Variants in SLC5A3 observed in about 807,000 individuals in gnomAD.
SLC5A3 encodes the protein solute carrier family 5 member 3.
A neutral mutation model predicts 43.2 loss-of-function variants in SLC5A3; 10 were observed. The observed-to-expected ratio is 0.23, with a 90% CI of 0.14 to 0.39. The LOEUF (loss-of-function observed/expected upper bound fraction) is 0.39. SLC5A3 is among the 10% of genes least tolerant of loss of function. The pLI is 1.00. For synonymous variants in SLC5A3, 349 were observed against 322.0 expected, an observed-to-expected ratio of 1.08 and a Z score of -0.90; for missense variants, 608 against 893.4, an observed-to-expected ratio of 0.68 and a Z score of 4.07.
At position 34,104,561 on chromosome 21, in the gene SLC5A3, T is replaced by C. The variant is rs1284125154; in HGVS notation, c.*7206T>C. On this transcript the variant is annotated 3_prime_UTR_variant, in exon 2 of 2. Coordinates refer to ENST00000381151, the MANE Select transcript of SLC5A3 (RefSeq NM_006933.7). Reference sequence around the variant, plus strand: ...TAATATATCTAGAAGGAAGACTATATCTGGTGTAGACTAATATGAGATGTT... The same window carrying C: ...TAATATATCTAGAAGGAAGACTATACCTGGTGTAGACTAATATGAGATGTT... The C allele has an allele frequency of 1.0e-6, 1 of 998,942 alleles. No homozygotes were observed. Among genetic ancestry groups the C allele is most frequent in the Non-Finnish European group, 1.2e-6 (1 of 828,902 alleles). The allele number at this position is 998,942 out of a possible 1,614,324, so 61.9% of individuals were successfully genotyped here. A position where few individuals can be genotyped will look rare whatever the true frequency, so the allele number is the denominator to read the frequency against.
At chr21:34,078,530 A>T (rs1478017487) in intron 1 of SLC5A3, among the ~76,000 whole-genome samples, 2 of 152,086 alleles carry the variant, frequency 1.3e-5, no homozygotes, top group Non-Finnish European at 2.9e-5. Context: ...ATGTTTCTAG[A>T]TTTTAAAAAT....
intron 1 of SLC5A3, among the ~76,000 whole-genome samples, chr21:34,094,562 CAGTA>C (rs1201106380): frequency 3.3e-5 from 5 of 152,124 alleles, no homozygotes; most frequent in Admixed American, 6.5e-5. Context: ...GAGCATACCA[CAGTA>C]AGACAAGAAA....
In SLC5A3 at chr21:34,098,464, T is replaced by C; in HGVS notation, c.*1109T>C. 4.2e-6 allele frequency: 4 copies of C among 958,350 alleles called. No homozygotes were observed. The highest frequency in any genetic ancestry group is 5.0e-6 in the Non-Finnish European group (4 of 797,886). 59.4% of individuals were successfully genotyped at this position (958,350 alleles called of 1,614,324 possible). On this transcript the variant is annotated 3_prime_UTR_variant, in exon 2 of 2. Coordinates refer to ENST00000381151, the MANE Select transcript of SLC5A3 (RefSeq NM_006933.7). ...GCATCCTTGATAAGTTTTTCCCTGA[T>C]TTTTTTTTTCCTCAAAAGACTTTCC...
Position 34,096,852 on chromosome 21 carries a change from C to T in SLC5A3, c.1654C>T (p.Leu552=), listed in dbSNP as rs1160216968. The change falls in exon 2 of 2, where the codon CTG becomes TTG. Residue 552 remains leucine, a synonymous_variant. Transcript: ENST00000381151. This position sits in a 1 kb window ranked among gnomAD's most constrained non-coding sequence, Gnocchi z 5.9. ...CACCACCTTTTGGTCTAAGAAGAACCTGGTGGTGAAGGAGAACTGCTCCCC... is the reference window on the plus strand; with the variant it reads ...CACCACCTTTTGGTCTAAGAAGAACTTGGTGGTGAAGGAGAACTGCTCCCC... ...RTTTFWSKKN[L]VVKENCSPKE... is the part of the protein sequence containing the mutation. The T allele has an allele frequency of 2.5e-6, 4 of 1,613,922 alleles. No homozygotes were observed. The highest frequency in any genetic ancestry group is 4.5e-5 in the East Asian group (2 of 44,896).
In SLC5A3 at chr21:34,101,071, C is replaced by T; in HGVS notation, c.*3716C>T. 1.0e-6 allele frequency: 1 copy of T among 1,000,046 alleles called. No individual in the cohort carries two copies. The allele number at this position is 1,000,046 out of a possible 1,614,324, so 61.9% of individuals were successfully genotyped here. Reference sequence around the variant, plus strand: ...TTGGATAGAGAGATGTATACAAGACCTTTCCTGTTAAATTACGTGACTACA... The same window carrying T: ...TTGGATAGAGAGATGTATACAAGACTTTTCCTGTTAAATTACGTGACTACA... On this transcript the variant is annotated 3_prime_UTR_variant, in exon 2 of 2. Transcript: ENST00000381151.
Position 34,095,599 on chromosome 21 carries a change from A to C in SLC5A3, c.401A>C (p.Tyr134Ser). Residue 134 changes from tyrosine (Y) to serine (S), a missense_variant, in exon 2 of 2, where the codon TAT (tyrosine) becomes TCT (serine). By Grantham distance (144) the Tyr-to-Ser change is moderately radical (BLOSUM62 -2). Transcript: ENST00000381151. ...VYFAALSLIL[Y>S]IFTKLSVDLY... ...TTTGCAGCCTTGTCTCTGATTCTCT[A>C]TATTTTCACCAAGCTCTCGGTGGAT... 1 of 1,611,630 alleles carries C rather than the reference A, an allele frequency of 6.2e-7. No individual in the cohort carries two copies. The highest frequency in any genetic ancestry group is 8.5e-7 in the Non-Finnish European group (1 of 1,179,508).
intron 1 of SLC5A3, among the ~76,000 whole-genome samples, chr21:34,078,072 A>G (rs780674577): frequency 2.6e-5 from 4 of 152,166 alleles, no homozygotes; most frequent in African/African-American, 4.8e-5. Context: ...ATAACTAGGA[A>G]ATAGTGAAGT....
chr21:34,102,155 G>A lies in SLC5A3; in HGVS notation c.*4800G>A, dbSNP rs530488355. ...GAATGTTTTTGTCAGACTGTCCTTT[G>A]TTGGAATACTTTAGCTGTTCAGCTA... On this transcript the variant is annotated 3_prime_UTR_variant, in exon 2 of 2. Transcript: ENST00000381151. 26 of 1,000,090 alleles carry A rather than the reference G, an allele frequency of 2.6e-5. No homozygotes were observed. The South Asian group carries it at 1.2e-3, about 45-fold the overall frequency. 62.0% of individuals were successfully genotyped at this position (1,000,090 alleles called of 1,614,324 possible).
At position 34,100,036 on chromosome 21, in the gene SLC5A3, G is replaced by A; in HGVS notation, c.*2681G>A. On this transcript the variant is annotated 3_prime_UTR_variant, in exon 2 of 2. Transcript: ENST00000381151. ...TGTTCATACTTTACACTGACTAAAT[G>A]GGTCCTAAATGATGACATTGGTCTT... 6 of 952,222 alleles carry A rather than the reference G, an allele frequency of 6.3e-6. No individual in the cohort carries two copies. The highest frequency in any genetic ancestry group is 7.6e-6 in the Non-Finnish European group (6 of 786,184). The allele number at this position is 952,222 out of a possible 1,614,324, so 59.0% of individuals were successfully genotyped here.
At position 34,095,690 on chromosome 21, in the gene SLC5A3, G is replaced by C; in HGVS notation, c.492G>C (p.Leu164=). The C allele has an allele frequency of 6.2e-7, 1 of 1,613,648 alleles. No homozygotes were observed. The highest frequency in any genetic ancestry group is 1.3e-5 in the African/African-American group (1 of 74,856). Residue 164 remains leucine (L), a synonymous_variant, in exon 2 of 2, where the codon CTG becomes CTC. Transcript: ENST00000381151. The stretch of plus-strand genomic sequence containing the variant: ...GGAATCTTTATGTGTCTGTCATCCT[G>C]CTCATTGGCATGACTGCTTTGCTGA... The part of the protein sequence containing the change: ...LGWNLYVSVI[L]LIGMTALLTV...
At position 34,079,712 on chromosome 21, in the gene SLC5A3, G is replaced by A. The variant is rs550007395; in HGVS notation, c.-337+5967G>A. Among the ~76,000 whole-genome samples the A allele has an allele frequency of 1.4e-4, 20 of 147,922 alleles. No individual in the cohort carries two copies. In the South Asian group the frequency reaches 4.3e-3, roughly 32 times the overall value. On this transcript the variant is annotated intron_variant, in intron 1 of 1. Coordinates refer to ENST00000381151, the MANE Select transcript of SLC5A3 (RefSeq NM_006933.7). ...GATCTGCCCGCTTTGGTCTCCCAAA[G>A]TGCTGGGATTACAGGCCCTCTTCTC... is the stretch of plus-strand genomic sequence containing the variant.
chr21:34,098,536 A>G lies in SLC5A3; in HGVS notation c.*1181A>G. 1.0e-6 allele frequency: 1 copy of G among 1,000,260 alleles called. No individual in the cohort carries two copies. Among genetic ancestry groups the G allele is most frequent in the Non-Finnish European group, 1.2e-6 (1 of 830,008 alleles). The allele number at this position is 1,000,260 out of a possible 1,614,324, so 62.0% of individuals were successfully genotyped here. A position where few individuals can be genotyped will look rare whatever the true frequency, so the allele number is the denominator to read the frequency against. ...TTTTGTTGTAGTGACTTAGAGCATA[A>G]GGATGTTTCAGTGCAAACTGGCCGT... On this transcript the variant is annotated 3_prime_UTR_variant, in exon 2 of 2. Transcript: ENST00000381151.
intron 1 of SLC5A3, among the ~76,000 whole-genome samples, chr21:34,086,996 G>C (rs932735639): frequency 6.6e-6 from 1 of 152,194 alleles, no homozygotes; most frequent in African/African-American, 2.4e-5. Context: ...ACACTAAGAG[G>C]TGGATGTCGA....
intron 1 of SLC5A3, among the ~76,000 whole-genome samples, chr21:34,074,150 C>A: frequency 6.7e-6 from 1 of 149,190 alleles, no homozygotes; most frequent in Non-Finnish European, 1.5e-5. Context: ...GAAGCTGCCT[C>A]GTCGCCGGCC....
At chr21:34,089,729 G>A (rs1978584618) in intron 1 of SLC5A3, among the ~76,000 whole-genome samples, 1 of 152,092 alleles carries the variant, frequency 6.6e-6, no homozygotes, top group Admixed American at 6.5e-5. Flanking sequence ...GAGGAGGGCC[G>A]CAGTCCCTCC....
At chr21:34,073,824 T>C in intron 1 of SLC5A3, 79 bp downstream of exon 1, 3 of 1,103,650 alleles carry the variant, frequency 2.7e-6, no homozygotes, top group Non-Finnish European at 3.6e-6. Flanking sequence ...CCGCGCGCCC[T>C]GGCCGCGGGA....
chr21:34,076,444 A>C (rs889870199), intron 1 of SLC5A3, among the ~76,000 whole-genome samples: 3 of 152,222 alleles, frequency 2.0e-5, no homozygotes, highest in Non-Finnish European at 4.4e-5. Flanking sequence ...AGTCAGTCAT[A>C]TTGAACTATA....
In SLC5A3 at chr21:34,097,709, T is replaced by C. The variant is rs143299811; in HGVS notation, c.*354T>C. ...CTGCACTGCCAAGTCTTGGCAGACCTTACCCTGAAGTAGAAGATTTGCTCA... is the reference window on the plus strand; with the variant it reads ...CTGCACTGCCAAGTCTTGGCAGACCCTACCCTGAAGTAGAAGATTTGCTCA... On this transcript the variant is annotated 3_prime_UTR_variant, in exon 2 of 2. Coordinates refer to ENST00000381151, the MANE Select transcript of SLC5A3 (RefSeq NM_006933.7). 7.1e-3 allele frequency: 7,239 copies of C among 1,014,450 alleles called. 29 individuals are homozygous for C. The highest frequency in any genetic ancestry group is 8.1e-3 in the Non-Finnish European group (6,828 of 839,894). 62.8% of individuals were successfully genotyped at this position (1,014,450 alleles called of 1,614,324 possible). A position where few individuals can be genotyped will look rare whatever the true frequency, so the allele number is the denominator to read the frequency against.
Position 34,098,801 on chromosome 21 carries a change from C to T in SLC5A3, c.*1446C>T, listed in dbSNP as rs150504118. ...TGTTAGAGAAAAGCTCTACAGATTA[C>T]GTACTTCTGTGTCTTCGTATGCTCA... On this transcript the variant is annotated 3_prime_UTR_variant, in exon 2 of 2. Transcript: ENST00000381151. 1.6e-5 allele frequency: 16 copies of T among 999,684 alleles called. No individual in the cohort carries two copies. The highest frequency in any genetic ancestry group is 1.4e-4 in the South Asian group (3 of 21,274). 61.9% of individuals were successfully genotyped at this position (999,684 alleles called of 1,614,324 possible).
Sources: gnomAD v4.1 joint callset for allele counts (sites outside exome capture counted in the v4.1 genomes callset) on GRCh38, gnomAD v4.1.1 for gene constraint, Gnocchi (gnomAD v3.1) non-coding constraint, MANE v1.5 for transcripts, NCBI Gene and HGNC (gene_info 2026-07-23, HGNC 2026-07-21) for gene names.